Variants in SLC4A4 observed in about 807,000 individuals in gnomAD.
SLC4A4 encodes the protein solute carrier family 4 member 4, also known as electrogenic sodium bicarbonate cotransporter 1.
SLC4A4 carries 27 observed loss-of-function variants against 111.5 expected under a neutral mutation model. The ratio of observed to expected loss-of-function variants is 0.24; its 90% CI spans 0.18 to 0.33. The LOEUF (loss-of-function observed/expected upper bound fraction) is 0.33, where lower values mean the gene tolerates loss of function less well. Ranked by LOEUF, SLC4A4 falls within the 10% of genes least tolerant of loss-of-function variation. The pLI is 1.00. For synonymous variants in SLC4A4, 443 were observed against 463.4 expected, an observed-to-expected ratio of 0.96 and a Z score of 0.57; for missense variants, 909 against 1,315.5, an observed-to-expected ratio of 0.69 and a Z score of 4.78.
At chr4:71,385,570 T>C (rs1718639689) in intron 6 of SLC4A4, among the ~76,000 whole-genome samples, 1 of 152,152 alleles carries the variant, frequency 6.6e-6, no homozygotes, top group Non-Finnish European at 1.5e-5. Flanking sequence ...ATGTTAGAAA[T>C]ACATGAATAG....
At chr4:71,207,555 C>T (rs1388541881) in intron 1 of SLC4A4, among the ~76,000 whole-genome samples, 1 of 152,126 alleles carries the variant, frequency 6.6e-6, no homozygotes, top group African/African-American at 2.4e-5. Flanking sequence ...AGTCACTTGA[C>T]TATGAAATAC....
intron 3 of SLC4A4, among the ~76,000 whole-genome samples, chr4:71,311,556 G>T (rs1726166404): frequency 6.6e-6 from 1 of 152,020 alleles, no homozygotes; most frequent in South Asian, 2.1e-4. Flanking sequence ...CCATGTATGT[G>T]GAAACTGAAC....
chr4:71,229,236 G>T, intron 1 of SLC4A4, among the ~76,000 whole-genome samples: 1 of 152,104 alleles, frequency 6.6e-6, no homozygotes, highest in South Asian at 2.1e-4. Context: ...TGTATCAATA[G>T]TTTGTTCATT....
Position 71,563,804 on chromosome 4 carries a change from A to G in SLC4A4, c.3111A>G (p.Pro1037=). 6.2e-7 allele frequency: 1 copy of G among 1,606,662 alleles called. No homozygotes were observed. Among genetic ancestry groups the G allele is most frequent in the Non-Finnish European group, 8.5e-7 (1 of 1,173,876 alleles). Residue 1037 remains proline, a synonymous_variant, in exon 24 of 26, where the codon CCA becomes CCG. Coordinates refer to ENST00000264485, the MANE Select transcript of SLC4A4 (RefSeq NM_001098484.3). ...LDSDNDDSDC[P]YSEKVPSIKI... ...CATTTTTTTCACAGTCTGACTGCCC[A>G]TACTCAGAAAAAGTTCCAAGTATTA...
At chr4:71,553,861 C>G (rs149452528) in intron 20 of SLC4A4, among the ~76,000 whole-genome samples, 352 of 151,946 alleles carry the variant, frequency 2.3e-3, no homozygotes, top group Non-Finnish European at 3.8e-3. Flanking sequence ...ATCCCTCCTA[C>G]CCCCGTCAAC....
At chr4:71,205,070 C>T (rs915931368) in intron 1 of SLC4A4, among the ~76,000 whole-genome samples, 2 of 152,116 alleles carry the variant, frequency 1.3e-5, no homozygotes, top group African/African-American at 4.8e-5. Flanking sequence ...TGGTGACTGT[C>T]CTAGCAGACA....
At chr4:71,508,160 C>T (rs1390672904) in intron 16 of SLC4A4, among the ~76,000 whole-genome samples, 1 of 152,068 alleles carries the variant, frequency 6.6e-6, no homozygotes, top group Non-Finnish European at 1.5e-5. Context: ...AACAAGCTAA[C>T]ATCACAGCTA....
At chr4:71,326,262 C>T (rs907155501) in intron 3 of SLC4A4, among the ~76,000 whole-genome samples, 3 of 151,842 alleles carry the variant, frequency 2.0e-5, no homozygotes, top group Non-Finnish European at 2.9e-5. Context: ...ACCACCGTGA[C>T]AGTCCTTTGA....
intron 14 of SLC4A4, among the ~76,000 whole-genome samples, chr4:71,484,017 G>GGGCT (rs905261876): frequency 1.3e-5 from 2 of 151,582 alleles, no homozygotes; most frequent in Non-Finnish European, 3.0e-5. Context: ...CTTTTTAATA[G>GGGCT]GGCTGGTTTT....
chr4:71,258,754 C>G (rs543678098), intron 3 of SLC4A4, among the ~76,000 whole-genome samples: 45 of 152,272 alleles, frequency 3.0e-4, no homozygotes, highest in African/African-American at 1.0e-3. Flanking sequence ...AAAATCTGGT[C>G]TTCGCTTTTA....
intron 18 of SLC4A4, among the ~76,000 whole-genome samples, chr4:71,534,747 T>C (rs943696349): frequency 6.6e-6 from 1 of 152,206 alleles, no homozygotes; most frequent in Non-Finnish European, 1.5e-5. Context: ...ATACTGAGCA[T>C]CTGCTTTCTC....
intron 1 of SLC4A4, among the ~76,000 whole-genome samples, chr4:71,194,412 ATTTAAGTATCTTTC>A (rs1187274956): frequency 6.6e-6 from 1 of 152,182 alleles, no homozygotes; most frequent in Non-Finnish European, 1.5e-5. Context: ...GAATGAACAC[ATTTAAGTATCTTTC>A]TTAAACCGTT....
rs2149102548 is a variant in SLC4A4, at chr4:71,468,657, C to T, written c.1631+2080C>T. Among the ~76,000 whole-genome samples, 3 of 151,470 alleles carry T rather than the reference C, an allele frequency of 2.0e-5. No homozygotes were observed. In the South Asian group the frequency reaches 6.3e-4, roughly 32 times the overall value. ...AGCAGCAGCAGTGATAATCTTCTGT[C>T]TAGATACAAAATATTTGGGTAGATC... On this transcript the variant is annotated intron_variant, in intron 13 of 25. Coordinates refer to ENST00000264485, the MANE Select transcript of SLC4A4 (RefSeq NM_001098484.3).
At chr4:71,149,355 T>C (rs1744257237) in intron 2 of SLC4A4, among the ~76,000 whole-genome samples, 1 of 152,176 alleles carries the variant, frequency 6.6e-6, no homozygotes, top group South Asian at 2.1e-4. Context: ...AGTCTTTTTC[T>C]GGGCTCCTTT....
chr4:71,455,920 T>C (rs1726223744), intron 12 of SLC4A4, among the ~76,000 whole-genome samples: 1 of 152,156 alleles, frequency 6.6e-6, no homozygotes. Context: ...GTAACATACA[T>C]AGTTAATTGG....
At chr4:71,498,912 T>C (rs1184082637) in intron 16 of SLC4A4, among the ~76,000 whole-genome samples, 2 of 152,192 alleles carry the variant, frequency 1.3e-5, no homozygotes, top group Non-Finnish European at 2.9e-5. Flanking sequence ...TGCAGATAGT[T>C]ACTGTTTTCC....
intron 7 of SLC4A4, among the ~76,000 whole-genome samples, chr4:71,417,562 G>A (rs1247945321): frequency 1.3e-5 from 2 of 152,188 alleles, no homozygotes; most frequent in African/African-American, 4.8e-5. Context: ...AACTTAGCTA[G>A]CACCTAGAAC....
At chr4:71,255,128 A>G in intron 2 of SLC4A4, 92 bp from the exon 3 acceptor site, 1 of 1,185,240 alleles carries the variant, frequency 8.4e-7, no homozygotes, top group Non-Finnish European at 1.3e-6. Flanking sequence ...TTGAATTTAT[A>G]GACATTTTCT....
chr4:71,407,001 G>C (rs1720913312), intron 7 of SLC4A4, among the ~76,000 whole-genome samples: 2 of 152,144 alleles, frequency 1.3e-5, no homozygotes, highest in Admixed American at 1.3e-4. Flanking sequence ...GGCATGAGGA[G>C]ATTAAGTAAT....
Sources: gnomAD v4.1 joint callset for allele counts (sites outside exome capture counted in the v4.1 genomes callset) on GRCh38, gnomAD v4.1.1 for gene constraint, MANE v1.5 for transcripts, NCBI Gene and HGNC (gene_info 2026-07-23, HGNC 2026-07-21) for gene names.